Variants in RAG1 observed in about 807,000 individuals in gnomAD.
RAG1 encodes the protein V(D)J recombination-activating protein 1.
In RAG1, 35 loss-of-function variants were observed where a neutral mutation model predicts 62.7. That is an observed-to-expected ratio of 0.56 (90% CI 0.43 to 0.74). RAG1 has a LOEUF of 0.74. RAG1 is among the 30% of genes least tolerant of loss of function. The pLI is 0.00. For missense variants in RAG1, 1,169 were observed against 1,278.6 expected (o/e 0.91, Z 1.31); for synonymous variants, 461 against 470.3 (o/e 0.98, Z 0.26).
In RAG1 at chr11:36,576,460, G is replaced by T; in HGVS notation, c.*24G>T. 1 of 1,613,516 alleles carries T rather than the reference G, an allele frequency of 6.2e-7. No homozygotes were observed. The highest frequency in any genetic ancestry group is 2.2e-5 in the East Asian group (1 of 44,882). On this transcript the variant is annotated 3_prime_UTR_variant, in exon 2 of 2. Transcript: ENST00000299440. ...AAGTAGGGCAACCACTTATGAGTTG[G>T]TTTTTGCAATTGAGTTTCCCTCTGG...
At chr11:36,550,305 A>G (rs1457214854) in intron 3 of RAG1, among the ~76,000 whole-genome samples, 1 of 151,920 alleles carries the variant, frequency 6.6e-6, no homozygotes, top group Non-Finnish European at 1.5e-5. Flanking sequence ...TAAGAATTGT[A>G]TACCAAATCA....
At chr11:36,531,511 A>G (rs1361093896) in intron 2 of RAG1, among the ~76,000 whole-genome samples, 1 of 151,898 alleles carries the variant, frequency 6.6e-6, no homozygotes, top group Non-Finnish European at 1.5e-5. Flanking sequence ...TAGGCATTAC[A>G]TTATATATAT....
chr11:36,548,941 C>G (rs952423077), intron 3 of RAG1, among the ~76,000 whole-genome samples: 1 of 152,076 alleles, frequency 6.6e-6, no homozygotes, highest in African/African-American at 2.4e-5. Context: ...ACCCATGGAA[C>G]CAAACGGAAG....
chr11:36,579,633 A>T lies in RAG1; in HGVS notation c.*3197A>T, dbSNP rs1850907882. 1 of 166,782 alleles carries T rather than the reference A, an allele frequency of 6.0e-6. No individual in the cohort carries two copies. The highest frequency in any genetic ancestry group is 2.1e-4 in the South Asian group (1 of 4,822). The allele number at this position is 166,782 out of a possible 1,614,324, so 10.3% of individuals were successfully genotyped here. A position where few individuals can be genotyped will look rare whatever the true frequency, so the allele number is the denominator to read the frequency against. The stretch of plus-strand genomic sequence containing the variant: ...CAGGGGACCTGTGTTTCCATGTCAA[A>T]TGTTTTCAAATAAAATGAAATATGA... On this transcript the variant is annotated 3_prime_UTR_variant, in exon 2 of 2. Coordinates refer to ENST00000299440, the MANE Select transcript of RAG1 (RefSeq NM_000448.3).
chr11:36,525,908 G>C (rs1860155035), intron 2 of RAG1, among the ~76,000 whole-genome samples: 2 of 151,878 alleles, frequency 1.3e-5, no homozygotes, highest in South Asian at 4.2e-4. Flanking sequence ...CTTGCCTATT[G>C]AACTGGCTAG....
chr11:36,548,303 C>T (rs1482363054), intron 3 of RAG1, among the ~76,000 whole-genome samples: 2 of 152,026 alleles, frequency 1.3e-5, no homozygotes, highest in Non-Finnish European at 2.9e-5. Flanking sequence ...AGAAATAAAG[C>T]GTATTCAGAT....
Position 36,578,506 on chromosome 11 carries a change from A to T in RAG1, c.*2070A>T, listed in dbSNP as rs1850885617. ...TCATCCTATTTACTGAAGCATGGTC[A>T]TGCTGGTTTATAGATTTTTTACCCA... On this transcript the variant is annotated 3_prime_UTR_variant, in exon 2 of 2. Transcript: ENST00000299440. 1 of 166,864 alleles carries T rather than the reference A, an allele frequency of 6.0e-6. No individual in the cohort carries two copies. Among genetic ancestry groups the T allele is most frequent in the South Asian group, 2.1e-4 (1 of 4,826 alleles). 10.3% of individuals were successfully genotyped at this position (166,864 alleles called of 1,614,324 possible). A position where few individuals can be genotyped will look rare whatever the true frequency, so the allele number is the denominator to read the frequency against.
chr11:36,533,796 A>G (rs760458605), intron 2 of RAG1, among the ~76,000 whole-genome samples: 4 of 152,116 alleles, frequency 2.6e-5, no homozygotes, highest in African/African-American at 7.2e-5. Context: ...TGAGATAAGC[A>G]TCCTTCACTT....
At chr11:36,512,335 G>T (rs5030409) in intron 1 of RAG1, among the ~76,000 whole-genome samples, 1 of 152,162 alleles carries the variant, frequency 6.6e-6, no homozygotes, top group African/African-American at 2.4e-5. Flanking sequence ...TGTATGAAGG[G>T]CAGTTGCCTT....
intron 3 of RAG1, among the ~76,000 whole-genome samples, chr11:36,544,743 G>T (rs530394635): frequency 9.2e-5 from 14 of 152,288 alleles, no homozygotes; most frequent in African/African-American, 2.9e-4. Context: ...CTCATGTGTC[G>T]AGGGAGGGAC....
At chr11:36,570,739 T>C (rs2133289913) in intron 1 of RAG1, among the ~76,000 whole-genome samples, 1 of 152,344 alleles carries the variant, frequency 6.6e-6, no homozygotes, top group Admixed American at 6.5e-5. Flanking sequence ...TGACATCTCA[T>C]TGTAGTTTTG....
At chr11:36,569,150 C>T (rs934978099) in intron 1 of RAG1, among the ~76,000 whole-genome samples, 1 of 152,126 alleles carries the variant, frequency 6.6e-6, no homozygotes, top group Non-Finnish European at 1.5e-5. Context: ...GCTGCTGCTG[C>T]ACCCTGGCCT....
chr11:36,574,100 A>G lies in RAG1; in HGVS notation c.796A>G (p.Ile266Val). The G allele has an allele frequency of 6.2e-7, 1 of 1,614,210 alleles. No individual in the cohort carries two copies. The change falls in exon 2 of 2, where the codon ATC (isoleucine) becomes GTC (valine). Residue 266 changes from isoleucine (I) to valine (V), a missense_variant. Around this residue, in one of 2 missense-constraint regions of RAG1, gnomAD observed 369 missense variants for 335.3 expected, o/e 1.10. Transcript: ENST00000299440. The stretch of plus-strand genomic sequence containing the variant: ...CAGCAGCAAGGATGTCATGAAGAAG[A>G]TCGCCAACTGCAGTAAGATACATCT... ...RISSKDVMKK[I>V]ANCSKIHLST...
chr11:36,570,661 C>G (rs115789056), intron 1 of RAG1, among the ~76,000 whole-genome samples: 5 of 152,174 alleles, frequency 3.3e-5, no homozygotes, highest in African/African-American at 9.7e-5. Context: ...GTTCCCTTTT[C>G]TCTACATCCT....
At chr11:36,529,226 C>T (rs561208544) in intron 2 of RAG1, among the ~76,000 whole-genome samples, 75 of 152,176 alleles carry the variant, frequency 4.9e-4, no homozygotes, top group African/African-American at 1.8e-3. Context: ...TGAAGAACAT[C>T]GATGTGAAAA....
At chr11:36,549,201 A>G (rs1421119479) in intron 3 of RAG1, among the ~76,000 whole-genome samples, 2 of 152,248 alleles carry the variant, frequency 1.3e-5, no homozygotes, top group African/African-American at 2.4e-5. Context: ...ACCATTCAGG[A>G]TATAGGCATG....
At chr11:36,546,373 GT>G (rs550284718) in intron 3 of RAG1, among the ~76,000 whole-genome samples, 2 of 152,274 alleles carry the variant, frequency 1.3e-5, no homozygotes. Context: ...TTTAAAGTCT[GT>G]TTTATTAGAG....
intron 3 of RAG1, among the ~76,000 whole-genome samples, chr11:36,561,844 C>A (rs868193568): frequency 8.5e-5 from 13 of 152,118 alleles, no homozygotes; most frequent in Non-Finnish European, 5.9e-5. Flanking sequence ...TGAGCCAATT[C>A]CTCATCTCTC....
intron 1 of RAG1, among the ~76,000 whole-genome samples, chr11:36,517,973 T>G (rs1860018697): frequency 6.8e-6 from 1 of 147,538 alleles, no homozygotes; most frequent in African/African-American, 2.5e-5. Flanking sequence ...TATCTCCTAA[T>G]GCTATCCCTC....
Sources: allele counts gnomAD v4.1 joint callset (sites outside exome capture counted in the v4.1 genomes callset), GRCh38; gene constraint gnomAD v4.1.1; regional missense constraint gnomAD v4.1.1; transcripts MANE v1.5; gene names NCBI Gene and HGNC (gene_info 2026-07-23, HGNC 2026-07-21).